Variants in MICAL2 observed in about 807,000 individuals in gnomAD.
The protein encoded by MICAL2 is microtubule associated monooxygenase, calponin and LIM domain containing 2.
Under a neutral mutation model 127.3 loss-of-function variants are expected in MICAL2, and 77 were observed. The ratio of observed to expected loss-of-function variants is 0.60; its 90% CI spans 0.50 to 0.73. The LOEUF (loss-of-function observed/expected upper bound fraction) is 0.73. Ranked by LOEUF, MICAL2 falls within the 30% of genes least tolerant of loss-of-function variation. The pLI, the probability that MICAL2 is intolerant of heterozygous loss-of-function variation, is 0.00. For missense variants in MICAL2, 1,351 were observed against 1,434.4 expected (o/e 0.94, Z 0.94); for synonymous variants, 570 against 551.1 (o/e 1.03, Z -0.48).
At position 12,242,269 on chromosome 11, in the gene MICAL2, C is replaced by T. The variant is rs1311403634; in HGVS notation, c.2393C>T (p.Ala798Val). Residue 798 changes from alanine to valine, a missense_variant, in exon 19 of 28, where the codon GCT becomes GTT. By Grantham distance (64) the Ala-to-Val change is moderately conservative. Transcript: ENST00000683283. ...CTCAGAGAGCTCAAGCAAGTGTCTG[C>T]TGGCAGTGAGTGCCTGAGCAGACCT... ...HVLRELKQVS[A>V]GSECLSRPWR... 2 of 1,613,888 alleles carry T rather than the reference C, an allele frequency of 1.2e-6. No individual in the cohort carries two copies. The highest frequency in any genetic ancestry group is 3.3e-5 in the Admixed American group (2 of 60,008).
intron 1 of MICAL2, among the ~76,000 whole-genome samples, chr11:12,128,365 G>T (rs1851122012): frequency 6.6e-6 from 1 of 152,318 alleles, no homozygotes; most frequent in East Asian, 1.9e-4. Flanking sequence ...TGCAATAACT[G>T]CCCAAGATAA....
chr11:12,116,270 G>A (rs1002272690), intron 1 of MICAL2, among the ~76,000 whole-genome samples: 16 of 150,560 alleles, frequency 1.1e-4, no homozygotes, highest in Admixed American at 7.3e-4. Context: ...GAGCCACTGC[G>A]CCTGGCCCCT....
chr11:12,256,764 C>T, intron 23 of MICAL2, 21 bp from the exon 24 acceptor site: 1 of 1,590,044 alleles, frequency 6.3e-7, no homozygotes, highest in African/African-American at 1.3e-5. Context: ...AATACACCCA[C>T]TCTTCTCTCC....
At chr11:12,206,902 T>G (rs765677232) in intron 4 of MICAL2, among the ~76,000 whole-genome samples, 2 of 152,130 alleles carry the variant, frequency 1.3e-5, no homozygotes, top group African/African-American at 4.8e-5. Context: ...CCTCCCCTCA[T>G]GCCAGCCCTC....
chr11:12,293,990 CAGA>C, downstream of MICAL2: 1 of 1,614,144 alleles, frequency 6.2e-7, no homozygotes, highest in East Asian at 2.2e-5. Flanking sequence ...CACTCAGGAG[CAGA>C]AGACCATGTT....
intron 7 of MICAL2, 39 bp downstream of exon 7, chr11:12,213,449 A>G (rs369746191): frequency 3.8e-6 from 6 of 1,596,124 alleles, no homozygotes; most frequent in Non-Finnish European, 5.1e-6. Flanking sequence ...GCCAAGGTCT[A>G]AAGTTTGCAG....
At chr11:12,118,159 G>C (rs148821597) in intron 1 of MICAL2, among the ~76,000 whole-genome samples, 22 of 152,256 alleles carry the variant, frequency 1.4e-4, no homozygotes, top group African/African-American at 4.3e-4. Context: ...CTTGTATCTT[G>C]GGCTTTCTTA....
chr11:12,293,682 A>G, downstream of MICAL2: 1 of 1,614,114 alleles, frequency 6.2e-7, no homozygotes, highest in South Asian at 1.1e-5. Flanking sequence ...TATCTGCCTC[A>G]TCACCCAAAG....
chr11:12,235,040 G>A (rs1858836308), intron 15 of MICAL2, among the ~76,000 whole-genome samples: 1 of 152,170 alleles, frequency 6.6e-6, no homozygotes, highest in Non-Finnish European at 1.5e-5. Flanking sequence ...TATGGTCAAT[G>A]GGACATGGCT....
chr11:12,271,989 C>T (rs1863680528), upstream of MICAL2, among the ~76,000 whole-genome samples: 4 of 152,204 alleles, frequency 2.6e-5, no homozygotes, highest in East Asian at 1.9e-4. Context: ...CTGTGAGAGA[C>T]GCTGGCCCTG....
intron 1 of MICAL2, among the ~76,000 whole-genome samples, chr11:12,117,522 G>T (rs572101135): frequency 6.6e-6 from 1 of 152,376 alleles, no homozygotes; most frequent in East Asian, 1.9e-4. Flanking sequence ...AGCTTTGCAG[G>T]ATCTCAGTAT....
intron 2 of MICAL2, among the ~76,000 whole-genome samples, chr11:12,281,724 A>G (rs1863774018): frequency 6.6e-6 from 1 of 152,184 alleles, no homozygotes; most frequent in Admixed American, 6.5e-5. Context: ...AGGTGAGCAA[A>G]CAGGCTGAGT....
At chr11:12,216,867 GCCTGAAAGGGTT>G (rs1856221704) in intron 8 of MICAL2, among the ~76,000 whole-genome samples, 2 of 152,342 alleles carry the variant, frequency 1.3e-5, no homozygotes, top group Non-Finnish European at 1.5e-5. Flanking sequence ...GATAGTTTCT[GCCTGAAAGGGTT>G]CTTGGAAGGA....
chr11:12,288,708 G>A (rs1478449448), downstream of MICAL2, among the ~76,000 whole-genome samples: 1 of 152,206 alleles, frequency 6.6e-6, no homozygotes, highest in Non-Finnish European at 1.5e-5. Context: ...AAGGAACCAA[G>A]GAGCGAGCTG....
At chr11:12,273,098 G>C (rs1863689999), upstream of MICAL2, among the ~76,000 whole-genome samples, 1 of 152,210 alleles carries the variant, frequency 6.6e-6, no homozygotes, top group Non-Finnish European at 1.5e-5. Context: ...ATGCGCAACA[G>C]TGTCCATTCA....
chr11:12,359,784 T>A (rs1179182564), downstream of MICAL2, among the ~76,000 whole-genome samples: 1 of 152,200 alleles, frequency 6.6e-6, no homozygotes, highest in Non-Finnish European at 1.5e-5. Flanking sequence ...CTATTATCGA[T>A]AAGAGAAACA....
intron 20 of MICAL2, 84 bp from the exon 21 acceptor site, chr11:12,243,903 G>C (rs1257743069): frequency 1.3e-6 from 2 of 1,520,162 alleles, no homozygotes; most frequent in African/African-American, 2.7e-5. Context: ...GAGTGCACAG[G>C]CATGGGACTG....
intron 15 of MICAL2, among the ~76,000 whole-genome samples, chr11:12,234,076 C>T (rs114919523): frequency 0.021 from 3,253 of 152,178 alleles, 125 homozygotes; most frequent in African/African-American, 0.075. Context: ...GAGGTTGTCC[C>T]CGTCCATGTC....
intron 32 of MICAL2, among the ~76,000 whole-genome samples, chr11:12,340,684 G>A (rs2403596): frequency 0.48 from 73,380 of 151,980 alleles, 19,408 homozygotes; most frequent in Non-Finnish European, 0.61. Flanking sequence ...TCATACAACC[G>A]AATGTTATAT....
Sources: allele counts gnomAD v4.1 joint callset (sites outside exome capture counted in the v4.1 genomes callset), GRCh38; gene constraint gnomAD v4.1.1; transcripts MANE v1.5; gene names NCBI Gene and HGNC (gene_info 2026-07-23, HGNC 2026-07-21).